Variants in PDE4D observed in about 807,000 individuals in gnomAD.
PDE4D encodes the protein 3',5'-cyclic-AMP phosphodiesterase 4D.
In PDE4D, 24 loss-of-function variants were observed where a neutral mutation model predicts 87.4. The observed-to-expected ratio is 0.27, with a 90% CI of 0.20 to 0.39. The LOEUF (loss-of-function observed/expected upper bound fraction) is 0.39, where lower values mean the gene tolerates loss of function less well. Among genes scored for constraint, PDE4D ranks in the 10% least tolerant of loss-of-function variants. The probability of loss-of-function intolerance (pLI) is 1.00; values close to 1 mark genes in which losing one functional copy is unlikely to be tolerated. For synonymous variants in PDE4D, 384 were observed against 383.2 expected, an observed-to-expected ratio of 1.00 and a Z score of -0.02; for missense variants, 714 against 1,041.0, an observed-to-expected ratio of 0.69 and a Z score of 4.32.
Position 59,430,242 on chromosome 5 carries a change from C to T in PDE4D, c.456-214274G>A, listed in dbSNP as rs1795910214. On this transcript the variant is annotated intron_variant, in intron 1 of 14. Transcript: ENST00000340635. ...GACATCCAAAGCAGTTACCAAAGGG[C>T]AACAAAACACATTTTCACTGACAAA... The T allele has an allele frequency of 6.5e-6, 8 of 1,229,046 alleles. No homozygotes were observed. The South Asian group carries it at 2.9e-4, about 44-fold the overall frequency. 76.1% of individuals were successfully genotyped at this position (1,229,046 alleles called of 1,614,324 possible). A position where few individuals can be genotyped will look rare whatever the true frequency, so the allele number is the denominator to read the frequency against.
chr5:59,580,345 G>A (rs1291668683), intron 1 of PDE4D, among the ~76,000 whole-genome samples: 1 of 152,180 alleles, frequency 6.6e-6, no homozygotes. Flanking sequence ...GCCATTAAAG[G>A]ATGTAACTTA....
At chr5:59,188,260 C>G (rs1743373964) in intron 3 of PDE4D, among the ~76,000 whole-genome samples, 1 of 152,070 alleles carries the variant, frequency 6.6e-6, no homozygotes, top group East Asian at 1.9e-4. Context: ...AAGGTCATTT[C>G]TTTCTCTTCT....
At chr5:60,412,857 C>CAACA (rs1742158381) in intron 1 of PDE4D, among the ~76,000 whole-genome samples, 1 of 152,086 alleles carries the variant, frequency 6.6e-6, no homozygotes, top group African/African-American at 2.4e-5. Flanking sequence ...ATAACCCTTA[C>CAACA]AACAAATCCT....
intron 1 of PDE4D, among the ~76,000 whole-genome samples, chr5:59,334,613 G>A (rs1777346782): frequency 6.6e-6 from 1 of 151,930 alleles, no homozygotes; most frequent in Admixed American, 6.6e-5. Flanking sequence ...TTGATTATAC[G>A]TATTTAGCTT....
intron 5 of PDE4D, among the ~76,000 whole-genome samples, chr5:59,135,623 A>T (rs187727226): frequency 6.6e-6 from 1 of 152,280 alleles, no homozygotes; most frequent in African/African-American, 2.4e-5. Context: ...AACTCCAAAT[A>T]ATCCACGTTC....
chr5:59,335,197 C>A (rs190781582), intron 1 of PDE4D, among the ~76,000 whole-genome samples: 3 of 152,306 alleles, frequency 2.0e-5, no homozygotes, highest in Admixed American at 2.0e-4. Flanking sequence ...ACTGTGACCT[C>A]AGAGCACAGT....
chr5:59,821,148 A>T (rs1436435721), intron 1 of PDE4D, among the ~76,000 whole-genome samples: 1 of 151,890 alleles, frequency 6.6e-6, no homozygotes, highest in Non-Finnish European at 1.5e-5. Flanking sequence ...CAGGAGAATC[A>T]CTTGAACCCA....
intron 1 of PDE4D, among the ~76,000 whole-genome samples, chr5:60,409,248 G>C (rs566684466): frequency 6.6e-6 from 1 of 152,264 alleles, no homozygotes; most frequent in South Asian, 2.1e-4. Context: ...TGAGAAGTCA[G>C]TTAAGAAAAG....
intron 1 of PDE4D, among the ~76,000 whole-genome samples, chr5:59,638,416 T>G (rs1346917689): frequency 6.6e-6 from 1 of 152,110 alleles, no homozygotes; most frequent in African/African-American, 2.4e-5. Flanking sequence ...AAAGGTGACT[T>G]GCTGCCTGAG....
intron 1 of PDE4D, chr5:59,275,634 T>C: frequency 8.0e-7 from 1 of 1,243,806 alleles, no homozygotes; most frequent in Non-Finnish European, 1.0e-6. Flanking sequence ...ACTAGGCTGT[T>C]AGGAAGTGAC....
chr5:59,283,398 T>C (rs1401255242), intron 1 of PDE4D, among the ~76,000 whole-genome samples: 1 of 152,178 alleles, frequency 6.6e-6, no homozygotes, highest in East Asian at 1.9e-4. Flanking sequence ...TTTTCTCTTA[T>C]CTTTGGATTA....
At chr5:60,225,578 G>A (rs971710877) in intron 1 of PDE4D, among the ~76,000 whole-genome samples, 1 of 152,058 alleles carries the variant, frequency 6.6e-6, no homozygotes, top group Non-Finnish European at 1.5e-5. Context: ...GAGACTGTGA[G>A]ATGATTAAAT....
chr5:59,057,448 G>A (rs1264268263), intron 5 of PDE4D, among the ~76,000 whole-genome samples: 1 of 152,184 alleles, frequency 6.6e-6, no homozygotes, highest in East Asian at 1.9e-4. Context: ...GACTATGTAT[G>A]TAAAGCAGTG....
chr5:59,683,628 C>T (rs942967588), intron 1 of PDE4D, among the ~76,000 whole-genome samples: 2 of 152,102 alleles, frequency 1.3e-5, no homozygotes, highest in African/African-American at 4.8e-5. Context: ...CAGAAAATAG[C>T]TATTCGTGAC....
intron 1 of PDE4D, among the ~76,000 whole-genome samples, chr5:59,422,018 C>T (rs1397328742): frequency 2.6e-5 from 4 of 152,088 alleles, no homozygotes; most frequent in Admixed American, 2.6e-4. Context: ...CAATAAAATA[C>T]ATAAATATGT....
At position 59,435,536 on chromosome 5, in the gene PDE4D, C is replaced by T. The variant is rs1446875810; in HGVS notation, c.456-219568G>A. Among the ~76,000 whole-genome samples the T allele has an allele frequency of 2.0e-5, 3 of 152,110 alleles. No individual in the cohort carries two copies. The East Asian group carries it at 5.8e-4, about 29-fold the overall frequency. ...GTAATCTCTTCCAAAAAACATTCTT[C>T]ATTCCTCAGTTTTACTTAGAAGCCT... On this transcript the variant is annotated intron_variant, in intron 1 of 14. Coordinates refer to ENST00000340635, the MANE Select transcript of PDE4D (RefSeq NM_001104631.2).
chr5:60,136,223 C>T (rs574608284), intron 2 of PDE4D, among the ~76,000 whole-genome samples: 8 of 152,158 alleles, frequency 5.3e-5, no homozygotes, highest in South Asian at 4.2e-4. Context: ...TCTGTACTTG[C>T]GCTACTGCTT....
intron 1 of PDE4D, among the ~76,000 whole-genome samples, chr5:60,193,018 CTG>C (rs1785320212): frequency 6.6e-6 from 1 of 152,136 alleles, no homozygotes; most frequent in South Asian, 2.1e-4. Context: ...AATCTATAGA[CTG>C]AGAAAAGCCA....
intron 1 of PDE4D, among the ~76,000 whole-genome samples, chr5:59,234,893 A>G (rs1756037322): frequency 6.7e-6 from 1 of 149,160 alleles, no homozygotes; most frequent in African/African-American, 2.5e-5. Flanking sequence ...ATGAAACTCA[A>G]ATCGAGTTTT....
Sources: gnomAD v4.1 joint callset for allele counts (sites outside exome capture counted in the v4.1 genomes callset) on GRCh38, gnomAD v4.1.1 for gene constraint, MANE v1.5 for transcripts, NCBI Gene and HGNC (gene_info 2026-07-23, HGNC 2026-07-21) for gene names.